The following ADGRG4 variants were observed in gnomAD, a reference collection of about 807,000 sequenced individuals.
ADGRG4 encodes G protein-coupled receptor 112.
Under a neutral mutation model 126.2 loss-of-function variants are expected in ADGRG4, and 122 were observed. The observed-to-expected ratio is 0.97, with a 90% confidence interval of 0.83 to 1.12. ADGRG4 has a LOEUF of 1.12. ADGRG4 is among the 50% of genes most tolerant of loss of function. The pLI is 0.00. For missense variants in ADGRG4, 2,481 were observed against 2,251.8 expected (o/e 1.10, Z -2.06); for synonymous variants, 943 against 838.7 (o/e 1.12, Z -2.15).
At chrX:136,392,645 C>T (rs1390223557) in intron 17 of ADGRG4, among the ~76,000 whole-genome samples, 6 of 111,610 alleles carry the variant, frequency 5.4e-5, no homozygotes, top group African/African-American at 1.6e-4. Flanking sequence ...TATTTTTGAG[C>T]GAGACAAGCA....
At chrX:136,342,066 A>C (rs905026835) in intron 5 of ADGRG4, among the ~76,000 whole-genome samples, 5 of 111,914 alleles carry the variant, frequency 4.5e-5, no homozygotes, top group African/African-American at 1.6e-4. Context: ...ATCATCCTAA[A>C]TTCCACTTAT....
intron 13 of ADGRG4, among the ~76,000 whole-genome samples, chrX:136,366,942 G>T (rs1321626107): frequency 9.0e-6 from 1 of 111,063 alleles, no homozygotes; most frequent in African/African-American, 3.3e-5. Flanking sequence ...TTTGGGAGGG[G>T]ATTAGGTCAT....
intron 21 of ADGRG4, among the ~76,000 whole-genome samples, chrX:136,401,620 T>C (rs1375883691): frequency 8.9e-6 from 1 of 111,794 alleles, no homozygotes; most frequent in Non-Finnish European, 1.9e-5. Flanking sequence ...ATTACTTACA[T>C]AAACTGTGAA....
intron 22 of ADGRG4, among the ~76,000 whole-genome samples, chrX:136,403,774 A>G (rs2075391394): frequency 8.9e-6 from 1 of 112,345 alleles, no homozygotes; most frequent in Non-Finnish European, 1.9e-5. Context: ...TCTTCCCTGA[A>G]GAACGCTGAA....
intron 4 of ADGRG4, among the ~76,000 whole-genome samples, chrX:136,309,467 C>T (rs1168787215): frequency 8.9e-6 from 1 of 112,383 alleles, no homozygotes; most frequent in Non-Finnish European, 1.9e-5. Context: ...TGGTAAACTG[C>T]AATCTTGTCC....
intron 24 of ADGRG4, among the ~76,000 whole-genome samples, chrX:136,413,459 G>A (rs2075458122): frequency 9.0e-6 from 1 of 110,604 alleles, no homozygotes; most frequent in Admixed American, 9.6e-5. Flanking sequence ...TGGTGTATAT[G>A]TGCCACATTT....
chrX:136,382,012 T>C (rs2075266529), intron 15 of ADGRG4, among the ~76,000 whole-genome samples: 1 of 111,350 alleles, frequency 9.0e-6, no homozygotes, highest in Non-Finnish European at 1.9e-5. Flanking sequence ...GACTCAAATG[T>C]TAATCTCCTT....
rs1027535648 is a variant in ADGRG4 at position 136,346,233 on chromosome X, G to T, written c.2527G>T (p.Glu843Ter). The T allele has an allele frequency of 8.3e-7, 1 of 1,208,384 alleles. No individual in the cohort carries two copies. The highest frequency in any genetic ancestry group is 1.1e-6 in the Non-Finnish European group (1 of 894,444). ...ATTAAATGCCACTGTGACAAGAAAAGAAGCAACTTCCCATTATCTTATGAG... is the reference window on the plus strand; with the variant it reads ...ATTAAATGCCACTGTGACAAGAAAATAAGCAACTTCCCATTATCTTATGAG... ...QRLNATVTRK[E>*]ATSHYLMRKS... Residue 843 changes from glutamate (E) to a stop codon, truncating the protein, a stop_gained, in exon 6 of 26, where the codon GAA (glutamate) becomes TAA (stop). Transcript: ENST00000394143. LOFTEE classifies it high-confidence loss of function.
At chrX:136,406,239 G>A (rs1225619736) in intron 23 of ADGRG4, among the ~76,000 whole-genome samples, 1 of 112,433 alleles carries the variant, frequency 8.9e-6, no homozygotes, top group Non-Finnish European at 1.9e-5. Context: ...GCTAGAAAAT[G>A]TACAGATTCA....
Position 136,332,639 on chromosome X carries a change from C to T in ADGRG4, c.685+9247C>T, listed in dbSNP as rs1320350701. On this transcript the variant is annotated intron_variant, in intron 5 of 25. Coordinates refer to ENST00000394143, the MANE Select transcript of ADGRG4 (RefSeq NM_153834.4). ...TCCCACCAACAGTGTAAAAGTGTTCCTATTTGTCCACATCCTCTCCAGCAC... is the reference window on the plus strand; with the variant it reads ...TCCCACCAACAGTGTAAAAGTGTTCTTATTTGTCCACATCCTCTCCAGCAC... 1.5e-4 allele frequency among the ~76,000 whole-genome samples: 16 copies of T among 109,833 alleles called. No homozygotes were observed. The Admixed American group carries it at 1.6e-3, about 11-fold the overall frequency.
chrX:136,324,469 A>C (rs1279892667), intron 5 of ADGRG4, among the ~76,000 whole-genome samples: 1 of 111,011 alleles, frequency 9.0e-6, no homozygotes, highest in African/African-American at 3.3e-5. Flanking sequence ...GTGAAGTGGC[A>C]TGATCATAGC....
intron 5 of ADGRG4, among the ~76,000 whole-genome samples, chrX:136,333,208 A>G (rs2074924693): frequency 9.0e-6 from 1 of 111,567 alleles, no homozygotes. Flanking sequence ...TTAAAGACTT[A>G]AACGTTAGAC....
At chrX:136,338,296 T>G (rs988257168) in intron 5 of ADGRG4, among the ~76,000 whole-genome samples, 25 of 110,157 alleles carry the variant, frequency 2.3e-4, no homozygotes, top group African/African-American at 8.3e-4. Context: ...TATCTGGCAC[T>G]CAACACCATG....
chrX:136,392,538 T>A (rs1310045545), intron 17 of ADGRG4, among the ~76,000 whole-genome samples, 184 bp downstream of exon 17: 1 of 112,054 alleles, frequency 8.9e-6, no homozygotes, highest in Non-Finnish European at 1.9e-5. Context: ...CCTAAAGTGA[T>A]AGGGAATGAT....
chrX:136,335,924 T>A (rs1213295273), intron 5 of ADGRG4, among the ~76,000 whole-genome samples: 1 of 111,098 alleles, frequency 9.0e-6, no homozygotes, highest in African/African-American at 3.3e-5. Context: ...TCTTGGGGTT[T>A]TTTTTAGGCT....
intron 23 of ADGRG4, 89 bp downstream of exon 23, chrX:136,406,061 A>T: frequency 1.1e-6 from 1 of 910,721 alleles, no homozygotes; most frequent in East Asian, 3.1e-5. Flanking sequence ...TGTTGGAAAC[A>T]TTAACTAGAT....
chrX:136,301,675 G>A (rs2074701231), intron 1 of ADGRG4, among the ~76,000 whole-genome samples: 1 of 111,971 alleles, frequency 8.9e-6, no homozygotes, highest in Non-Finnish European at 1.9e-5. Context: ...GTCCTGAATG[G>A]TATTGCCTAG....
In ADGRG4 at chrX:136,323,197, C is replaced by T; in HGVS notation, c.490C>T (p.Leu164Phe). ...PHGTLFLGHF[L>F]KNESSEVKSM... ...TGGGACTCTGTTCCTAGGGCACTTTCTCAAGAATGAGAGCAGCGAGGTTAA... is the reference window on the plus strand; with the variant it reads ...TGGGACTCTGTTCCTAGGGCACTTTTTCAAGAATGAGAGCAGCGAGGTTAA... Residue 164 changes from leucine (L) to phenylalanine (F), a missense_variant, in exon 5 of 26, where the codon CTC (leucine) becomes TTC (phenylalanine). Leu to Phe is a conservative substitution (Grantham distance 22). Transcript: ENST00000394143. 1.7e-6 allele frequency: 2 copies of T among 1,211,787 alleles called. No individual in the cohort carries two copies. Among genetic ancestry groups the T allele is most frequent in the Non-Finnish European group, 2.2e-6 (2 of 895,446 alleles).
chrX:136,320,050 C>T (rs1325652061), intron 4 of ADGRG4, among the ~76,000 whole-genome samples: 1 of 111,655 alleles, frequency 9.0e-6, no homozygotes, highest in Non-Finnish European at 1.9e-5. Context: ...GATAATACTG[C>T]ACCTGCACTT....
Sources: allele counts gnomAD v4.1 joint callset (sites outside exome capture counted in the v4.1 genomes callset), GRCh38; gene constraint gnomAD v4.1.1; transcripts MANE v1.5; gene names NCBI Gene and HGNC (gene_info 2026-07-23, HGNC 2026-07-21).